Variants in ITGB5 observed in about 807,000 individuals in gnomAD.
The protein encoded by ITGB5 is integrin subunit beta 5, also known as integrin beta-5.
ITGB5 carries 38 observed loss-of-function variants against 84.8 expected under a neutral mutation model. The ratio of observed to expected loss-of-function variants is 0.45; its 90% confidence interval spans 0.35 to 0.59. The LOEUF is 0.59. Ranked by LOEUF, ITGB5 falls within the 20% of genes least tolerant of loss-of-function variation. The pLI is 0.01. For missense variants in ITGB5, 905 were observed against 1,034.5 expected (o/e 0.87, Z 1.72); for synonymous variants, 393 against 414.4 (o/e 0.95, Z 0.63).
intron 10 of ITGB5, among the ~76,000 whole-genome samples, chr3:124,781,509 G>A (rs1476609476): frequency 6.6e-6 from 1 of 152,136 alleles, no homozygotes; most frequent in Non-Finnish European, 1.5e-5. Context: ...AAAGAACAGA[G>A]ATTTCTGAAA....
At chr3:124,801,806 A>C (rs887153777) in intron 9 of ITGB5, among the ~76,000 whole-genome samples, 1 of 152,052 alleles carries the variant, frequency 6.6e-6, no homozygotes, top group African/African-American at 2.4e-5. Flanking sequence ...TGGCAGGTAT[A>C]TTTCACCACT....
At chr3:124,897,891 C>T (rs1935137133) in intron 1 of ITGB5, among the ~76,000 whole-genome samples, 3 of 152,138 alleles carry the variant, frequency 2.0e-5, no homozygotes, top group South Asian at 4.1e-4. Flanking sequence ...CTATATTCCC[C>T]CTGCCTCCCT....
chr3:124,856,266 A>G (rs2065221344), intron 3 of ITGB5, among the ~76,000 whole-genome samples: 1 of 152,162 alleles, frequency 6.6e-6, no homozygotes, highest in South Asian at 2.1e-4. Context: ...CTCTGCTCAC[A>G]CTCACACCTT....
upstream of ITGB5, among the ~76,000 whole-genome samples, chr3:124,889,424 T>A (rs1934946632): frequency 6.6e-6 from 1 of 152,226 alleles, no homozygotes; most frequent in Non-Finnish European, 1.5e-5. Flanking sequence ...TGATGTCTCA[T>A]GTCTCCCTAA....
At chr3:124,827,417 T>C (rs907661419) in intron 5 of ITGB5, among the ~76,000 whole-genome samples, 1 of 152,268 alleles carries the variant, frequency 6.6e-6, no homozygotes, top group Non-Finnish European at 1.5e-5. Context: ...ACATTTCTTC[T>C]CTTCTCCTTT....
intron 2 of ITGB5, among the ~76,000 whole-genome samples, chr3:124,859,857 A>G (rs1398169112): frequency 1.3e-5 from 2 of 152,156 alleles, no homozygotes; most frequent in African/African-American, 4.8e-5. Context: ...CTGAGGTGGG[A>G]GGATCGCTTG....
intron 9 of ITGB5, among the ~76,000 whole-genome samples, chr3:124,807,744 G>C (rs2064428976): frequency 6.6e-6 from 1 of 151,672 alleles, no homozygotes; most frequent in East Asian, 1.9e-4. Flanking sequence ...AGGAGATCGA[G>C]ACCATCCTGG....
At chr3:124,887,823 C>A (rs528313740), upstream of ITGB5, 96 of 299,012 alleles carry the variant, frequency 3.2e-4, no homozygotes, top group South Asian at 2.3e-3. Flanking sequence ...GGGACGTAGA[C>A]GCCCGCGCGT....
intron 1 of ITGB5, among the ~76,000 whole-genome samples, chr3:124,899,732 G>A (rs553475009): frequency 6.6e-6 from 1 of 151,632 alleles, no homozygotes; most frequent in South Asian, 2.1e-4. Context: ...GCATTCACCT[G>A]TGGTCCCACC....
At chr3:124,846,750 A>G (rs1201524548) in intron 4 of ITGB5, among the ~76,000 whole-genome samples, 1 of 152,148 alleles carries the variant, frequency 6.6e-6, no homozygotes, top group African/African-American at 2.4e-5. Context: ...CCTGGCCAAC[A>G]TGGTGAAACC....
intron 10 of ITGB5, among the ~76,000 whole-genome samples, chr3:124,774,309 G>A (rs1336883990): frequency 6.6e-6 from 1 of 152,132 alleles, no homozygotes; most frequent in Non-Finnish European, 1.5e-5. Context: ...TTAAGTTAAG[G>A]ATTTTGAGAT....
intron 10 of ITGB5, chr3:124,780,740 C>T (rs1364267594): frequency 7.3e-5 from 11 of 150,232 alleles, no homozygotes; most frequent in Non-Finnish European, 1.5e-4. Context: ...ACTTTCCTCA[C>T]ATCCCCCAGG....
Position 124,859,494 on chromosome 3 carries a change from C to T in ITGB5, c.157-48G>A, listed in dbSNP as rs539837531. 2.0e-6 allele frequency: 3 copies of T among 1,493,960 alleles called. No homozygotes were observed. In the African/African-American group the frequency reaches 4.2e-5, roughly 21 times the overall value. The allele number at this position is 1,493,960 out of a possible 1,614,324, so 92.5% of individuals were successfully genotyped here. A position where few individuals can be genotyped will look rare whatever the true frequency, so the allele number is the denominator to read the frequency against. On this transcript the variant is annotated intron_variant, in intron 2 of 14. Transcript: ENST00000296181. ...AGAGCAGGAGGTGGTCAGGGTGTCT[C>T]CCGAAAACATCGCATGTCGTGGCTG...
chr3:124,842,914 A>G (rs1481771134), intron 4 of ITGB5, among the ~76,000 whole-genome samples: 1 of 152,072 alleles, frequency 6.6e-6, no homozygotes, highest in East Asian at 1.9e-4. Context: ...ACACAGTCAC[A>G]ACAGCACAGC....
intron 3 of ITGB5, among the ~76,000 whole-genome samples, chr3:124,853,438 A>G (rs2065183745): frequency 6.6e-6 from 1 of 152,202 alleles, no homozygotes; most frequent in South Asian, 2.1e-4. Flanking sequence ...CTGTTGACCT[A>G]TGGAACCAAG....
intron 5 of ITGB5, among the ~76,000 whole-genome samples, chr3:124,825,647 G>A (rs2064774790): frequency 6.6e-6 from 1 of 152,218 alleles, no homozygotes; most frequent in African/African-American, 2.4e-5. Context: ...TACAGGTACA[G>A]AAAACAGATC....
intron 9 of ITGB5, among the ~76,000 whole-genome samples, chr3:124,800,933 GGTCTT>G (rs2064305921): frequency 1.3e-5 from 2 of 152,168 alleles, no homozygotes; most frequent in African/African-American, 2.4e-5. Context: ...CCTCCCACTC[GGTCTT>G]GTTATTAGAA....
chr3:124,775,201 T>C (rs1213929745), intron 10 of ITGB5, among the ~76,000 whole-genome samples: 5 of 152,210 alleles, frequency 3.3e-5, no homozygotes, highest in Admixed American at 6.5e-5. Context: ...GGAATGTGTG[T>C]GCTTGTGAGA....
At chr3:124,782,928 C>T (rs1382534957) in intron 10 of ITGB5, among the ~76,000 whole-genome samples, 3 of 151,988 alleles carry the variant, frequency 2.0e-5, no homozygotes, top group East Asian at 1.9e-4. Flanking sequence ...GAGTGTGGTG[C>T]AGACTGATGA....
Sources: gnomAD v4.1 joint callset for allele counts (sites outside exome capture counted in the v4.1 genomes callset) on GRCh38, gnomAD v4.1.1 for gene constraint, MANE v1.5 for transcripts, NCBI Gene and HGNC (gene_info 2026-07-23, HGNC 2026-07-21) for gene names.